Variants in CTNNA3 observed in about 807,000 individuals in gnomAD.
CTNNA3 encodes catenin alpha-3.
A neutral mutation model predicts 95.7 loss-of-function variants in CTNNA3; 76 were observed. The observed-to-expected ratio is 0.79, with a 90% CI of 0.66 to 0.96. The LOEUF is 0.96. Ranked by LOEUF, CTNNA3 falls within the 40% of genes least tolerant of loss-of-function variation. The pLI is 0.00. For missense variants in CTNNA3, 1,191 were observed against 1,089.8 expected, an observed-to-expected ratio of 1.09 and a Z score of -1.31; for synonymous variants, 431 against 374.4, an observed-to-expected ratio of 1.15 and a Z score of -1.74.
At chr10:66,839,034 A>T (rs1162511801) in intron 7 of CTNNA3, among the ~76,000 whole-genome samples, 1 of 3,572 alleles carries the variant, frequency 2.8e-4, no homozygotes, top group Non-Finnish European at 5.5e-4. Context: ...TCATACTTAT[A>T]AAAAAAAAAA....
chr10:66,309,903 CAA>C (rs1336126007), intron 12 of CTNNA3, among the ~76,000 whole-genome samples: 1 of 120,638 alleles, frequency 8.3e-6, no homozygotes, highest in East Asian at 2.3e-4. Context: ...ACCAAAGATA[CAA>C]AAAATAAATA....
intron 5 of CTNNA3, among the ~76,000 whole-genome samples, chr10:67,252,843 C>T (rs1008941461): frequency 1.3e-5 from 2 of 152,154 alleles, no homozygotes; most frequent in Non-Finnish European, 2.9e-5. Flanking sequence ...TTATGTCTTT[C>T]ACCAACAAAT....
chr10:66,806,080 C>T (rs976329925), intron 7 of CTNNA3, among the ~76,000 whole-genome samples: 8 of 151,654 alleles, frequency 5.3e-5, no homozygotes, highest in Admixed American at 4.0e-4. Context: ...AATATAGTAA[C>T]GTAAAATGCT....
At chr10:66,161,909 T>A (rs1280641973) in intron 13 of CTNNA3, among the ~76,000 whole-genome samples, 1 of 152,192 alleles carries the variant, frequency 6.6e-6, no homozygotes, top group Non-Finnish European at 1.5e-5. Context: ...TATTCTATTT[T>A]CTTTGTCTTT....
At chr10:66,493,599 A>ATTTTTTTTTTTTTTT (rs528761424) in intron 11 of CTNNA3, among the ~76,000 whole-genome samples, 111 of 112,010 alleles carry the variant, frequency 9.9e-4, no homozygotes, top group East Asian at 3.7e-3. Flanking sequence ...TAACTACAGT[A>ATTTTTTTTTTTTTTT]TTTTTTTTTT....
At chr10:66,491,585 T>G (rs1473090006) in intron 11 of CTNNA3, among the ~76,000 whole-genome samples, 1 of 152,190 alleles carries the variant, frequency 6.6e-6, no homozygotes, top group Non-Finnish European at 1.5e-5. Context: ...ATCTCCTATA[T>G]GAAGTCCTTT....
intron 12 of CTNNA3, among the ~76,000 whole-genome samples, chr10:66,292,076 TAC>T (rs112723652): frequency 0.011 from 1,584 of 149,428 alleles, 27 homozygotes; most frequent in African/African-American, 0.035. Flanking sequence ...CATATACAGA[TAC>T]ACACACACAC....
chr10:67,092,885 A>G (rs1388169886), intron 7 of CTNNA3, among the ~76,000 whole-genome samples: 1 of 152,024 alleles, frequency 6.6e-6, no homozygotes, highest in Non-Finnish European at 1.5e-5. Context: ...TTCCTAAGGG[A>G]ATTTCCTAAA....
At chr10:66,101,938 G>T (rs1454247273) in intron 14 of CTNNA3, among the ~76,000 whole-genome samples, 1 of 152,088 alleles carries the variant, frequency 6.6e-6, no homozygotes, top group Non-Finnish European at 1.5e-5. Context: ...ACAAGCCATA[G>T]ATTACAATAG....
intron 1 of CTNNA3, among the ~76,000 whole-genome samples, chr10:67,727,227 C>A (rs1841240060): frequency 1.6e-5 from 2 of 122,506 alleles, no homozygotes; most frequent in African/African-American, 3.2e-5. Context: ...ATGTATATTA[C>A]ATATTATATA....
At chr10:67,183,337 C>G (rs1054416230) in intron 6 of CTNNA3, among the ~76,000 whole-genome samples, 2 of 152,154 alleles carry the variant, frequency 1.3e-5, no homozygotes, top group African/African-American at 4.8e-5. Context: ...GGCACATATA[C>G]ACCATGGAAT....
chr10:66,087,664 C>T (rs2081041680), intron 14 of CTNNA3, among the ~76,000 whole-genome samples: 1 of 152,116 alleles, frequency 6.6e-6, no homozygotes, highest in South Asian at 2.1e-4. Flanking sequence ...TGTTTTCAGT[C>T]ATTTTTAACA....
rs559165386 is a variant in CTNNA3, at chr10:67,426,644, C to T, written c.579+95198G>A. ...ACACAGAGCAGGGAATATCACACAC[C>T]GGGGCCTGTCGGGAGGTGGGAGCCT... is the stretch of plus-strand genomic sequence containing the variant. On this transcript the variant is annotated intron_variant, in intron 5 of 17. Transcript: ENST00000433211. 1.6e-3 allele frequency among the ~76,000 whole-genome samples: 242 copies of T among 151,850 alleles called. 1 individual carries two copies. The highest frequency in any genetic ancestry group is 5.5e-3 in the African/African-American group (226 of 41,410).
chr10:67,604,164 C>T (rs1843179376), intron 3 of CTNNA3, among the ~76,000 whole-genome samples: 1 of 152,186 alleles, frequency 6.6e-6, no homozygotes, highest in Non-Finnish European at 1.5e-5. Context: ...GATGTTCACA[C>T]AATGACAAAA....
At chr10:67,700,160 C>T (rs1841024646), upstream of CTNNA3, among the ~76,000 whole-genome samples, 1 of 152,246 alleles carries the variant, frequency 6.6e-6, no homozygotes, top group African/African-American at 2.4e-5. Flanking sequence ...CTCAAGGAGG[C>T]CTGCCTGCCT....
intron 13 of CTNNA3, among the ~76,000 whole-genome samples, chr10:66,198,079 G>C (rs1053332507): frequency 3.3e-5 from 5 of 152,038 alleles, no homozygotes; most frequent in African/African-American, 1.2e-4. Context: ...ATTCTTCTGA[G>C]GATTGAGAAA....
chr10:66,263,632 C>T (rs1384149573), intron 13 of CTNNA3, among the ~76,000 whole-genome samples: 1 of 151,962 alleles, frequency 6.6e-6, no homozygotes, highest in African/African-American at 2.4e-5. Flanking sequence ...CTAATCCCCT[C>T]TCCCTGTCCC....
chr10:66,164,018 A>C (rs985245988), intron 13 of CTNNA3, among the ~76,000 whole-genome samples: 1 of 152,216 alleles, frequency 6.6e-6, no homozygotes, highest in Non-Finnish European at 1.5e-5. Flanking sequence ...GAGAAAGCAT[A>C]AAAATTATTT....
At chr10:66,104,625 G>A (rs1288010017) in intron 13 of CTNNA3, among the ~76,000 whole-genome samples, 4 of 152,072 alleles carry the variant, frequency 2.6e-5, no homozygotes, top group Non-Finnish European at 5.9e-5. Context: ...AGTCTCCAAT[G>A]TCCATTATTC....
Sources: gnomAD v4.1 joint callset for allele counts (sites outside exome capture counted in the v4.1 genomes callset) on GRCh38, gnomAD v4.1.1 for gene constraint, MANE v1.5 for transcripts, NCBI Gene and HGNC (gene_info 2026-07-23, HGNC 2026-07-21) for gene names.